Variants in MITF observed in about 807,000 individuals in gnomAD.
MITF encodes microphthalmia-associated transcription factor.
In MITF, 17 loss-of-function variants were observed where a neutral mutation model predicts 60.5. That is an observed-to-expected ratio of 0.28 (90% CI 0.19 to 0.42). The LOEUF (loss-of-function observed/expected upper bound fraction) is 0.42, where lower values mean the gene tolerates loss of function less well. MITF is among the 10% of genes least tolerant of loss of function. The probability of loss-of-function intolerance (pLI) is 1.00; values close to 1 mark genes in which losing one functional copy is unlikely to be tolerated. For missense variants in MITF, 622 were observed against 683.5 expected (o/e 0.91, Z 1.00); for synonymous variants, 260 against 248.5 (o/e 1.05, Z -0.43).
chr3:69,937,272 AAGTGGG>A (rs2065860409), intron 2 of MITF: 2 of 165,928 alleles, frequency 1.2e-5, no homozygotes, highest in Admixed American at 5.7e-5. Flanking sequence ...TCCAAATGAA[AAGTGGG>A]AGAATTAATC....
chr3:69,899,352 G>A (rs1474421835), intron 2 of MITF, among the ~76,000 whole-genome samples: 1 of 152,164 alleles, frequency 6.6e-6, no homozygotes, highest in Non-Finnish European at 1.5e-5. Flanking sequence ...AGGGGCCTAG[G>A]GTTTAAGCTC....
chr3:69,766,297 C>T (rs984868076), intron 1 of MITF, among the ~76,000 whole-genome samples: 1 of 151,324 alleles, frequency 6.6e-6, no homozygotes, highest in Admixed American at 6.6e-5. Flanking sequence ...GCAACCTCTG[C>T]CTCCTGGGTT....
At chr3:69,947,848 T>G (rs1370622661) in intron 5 of MITF, among the ~76,000 whole-genome samples, 1 of 152,152 alleles carries the variant, frequency 6.6e-6, no homozygotes, top group East Asian at 1.9e-4. Flanking sequence ...ATCACAGAAA[T>G]AGATGCAATG....
At chr3:69,963,600 T>C (rs1466280130) in intron 9 of MITF, among the ~76,000 whole-genome samples, 2 of 152,216 alleles carry the variant, frequency 1.3e-5, no homozygotes. Flanking sequence ...TGTGTGTGTC[T>C]GTTGGGCACT....
intron 9 of MITF, among the ~76,000 whole-genome samples, chr3:69,960,457 G>A (rs1237501807): frequency 6.6e-6 from 1 of 152,108 alleles, no homozygotes; most frequent in African/African-American, 2.4e-5. Context: ...TCTCTCAGGG[G>A]CTTGGCGTCT....
chr3:69,766,043 G>T (rs188283986), intron 1 of MITF, among the ~76,000 whole-genome samples: 1 of 152,228 alleles, frequency 6.6e-6, no homozygotes, highest in African/African-American at 2.4e-5. Flanking sequence ...TTAAAAAGAG[G>T]TTTTATGTTT....
chr3:69,759,976 C>T (rs1326201889), intron 1 of MITF, among the ~76,000 whole-genome samples: 1 of 152,298 alleles, frequency 6.6e-6, no homozygotes, highest in Non-Finnish European at 1.5e-5. Flanking sequence ...GACGGGGTTT[C>T]ACCGTGTTAG....
At chr3:69,955,665 A>G (rs1182969914) in intron 7 of MITF, among the ~76,000 whole-genome samples, 1 of 152,066 alleles carries the variant, frequency 6.6e-6, no homozygotes, top group Non-Finnish European at 1.5e-5. Context: ...AAGTACAAAA[A>G]TTAGCCAGGT....
intron 7 of MITF, among the ~76,000 whole-genome samples, chr3:69,952,928 C>T (rs936204745): frequency 6.6e-6 from 1 of 152,094 alleles, no homozygotes. Context: ...TAGTAACTTC[C>T]CAACTGCTGT....
At chr3:69,753,750 TG>T (rs1344510553) in intron 1 of MITF, among the ~76,000 whole-genome samples, 2 of 152,240 alleles carry the variant, frequency 1.3e-5, no homozygotes, top group Non-Finnish European at 2.9e-5. Context: ...ATGGAGCCTA[TG>T]GCCCCTTTCT....
At chr3:69,821,025 C>T (rs930847295) in intron 1 of MITF, among the ~76,000 whole-genome samples, 1 of 151,952 alleles carries the variant, frequency 6.6e-6, no homozygotes, top group Non-Finnish European at 1.5e-5. Context: ...TTTTCCAAAC[C>T]CACATTTTCC....
chr3:69,863,347 T>G (rs774651302), intron 1 of MITF, among the ~76,000 whole-genome samples: 17 of 152,344 alleles, frequency 1.1e-4, no homozygotes, highest in Non-Finnish European at 1.8e-4. Flanking sequence ...GGACGTTTCA[T>G]TGCTGTATCC....
intron 1 of MITF, among the ~76,000 whole-genome samples, chr3:69,827,797 C>T (rs1213781402): frequency 6.6e-6 from 1 of 151,974 alleles, no homozygotes; most frequent in Admixed American, 6.6e-5. Flanking sequence ...ACAAGATATA[C>T]AGAAGACCAA....
At chr3:69,773,067 G>C (rs1230248031) in intron 1 of MITF, among the ~76,000 whole-genome samples, 1 of 152,172 alleles carries the variant, frequency 6.6e-6, no homozygotes, top group Admixed American at 6.5e-5. Flanking sequence ...GACAAGGACT[G>C]CCTCACTGAG....
intron 1 of MITF, among the ~76,000 whole-genome samples, chr3:69,742,107 C>T (rs1000646119): frequency 6.6e-6 from 1 of 152,178 alleles, no homozygotes; most frequent in Non-Finnish European, 1.5e-5. Context: ...TGGATTATTG[C>T]AGTAGTCTTT....
At chr3:69,801,167 C>A (rs1426150530) in intron 1 of MITF, among the ~76,000 whole-genome samples, 2 of 151,340 alleles carry the variant, frequency 1.3e-5, no homozygotes, top group Non-Finnish European at 2.9e-5. Context: ...AGAAAAAGCT[C>A]GGCTGACGTT....
intron 1 of MITF, among the ~76,000 whole-genome samples, chr3:69,791,192 A>G (rs1328406585): frequency 6.6e-6 from 1 of 152,216 alleles, no homozygotes; most frequent in Non-Finnish European, 1.5e-5. Flanking sequence ...TGAAGGGTCT[A>G]AAGCCAGTTT....
chr3:69,806,526 T>C (rs1004591939), intron 1 of MITF, among the ~76,000 whole-genome samples: 2 of 152,142 alleles, frequency 1.3e-5, no homozygotes, highest in African/African-American at 4.8e-5. Flanking sequence ...AAAATGTAGT[T>C]AGACCATTAC....
intron 9 of MITF, among the ~76,000 whole-genome samples, chr3:69,959,909 C>T (rs957527853): frequency 6.6e-6 from 1 of 152,298 alleles, no homozygotes; most frequent in Admixed American, 6.5e-5. Context: ...GGATAAGCTT[C>T]GTTCAGGCAT....
Sources: gnomAD v4.1 joint callset for allele counts (sites outside exome capture counted in the v4.1 genomes callset) on GRCh38, gnomAD v4.1.1 for gene constraint, MANE v1.5 for transcripts, NCBI Gene and HGNC (gene_info 2026-07-23, HGNC 2026-07-21) for gene names.